The following TTN variants were observed in gnomAD, a reference collection of about 807,000 sequenced individuals.
TTN encodes the protein connectin.
A neutral mutation model predicts 3,223.0 loss-of-function variants in TTN; 1,525 were observed. The observed-to-expected ratio is 0.47, with a 90% CI of 0.45 to 0.49. The LOEUF (loss-of-function observed/expected upper bound fraction) is 0.49. TTN is among the 20% of genes least tolerant of loss of function. The pLI is 0.00. For synonymous variants in TTN, 14,094 were observed against 15,161.0 expected, an observed-to-expected ratio of 0.93 and a Z score of 5.17; for missense variants, 40,786 against 43,424.0, an observed-to-expected ratio of 0.94 and a Z score of 5.40.
intron 103 of TTN, 51 bp downstream of exon 103, chr2:178,705,123 A>T: frequency 1.3e-6 from 2 of 1,595,112 alleles, no homozygotes; most frequent in South Asian, 1.1e-5. Context: ...AATATGTGAG[A>T]TGTTTTAAAT....
chr2:178,665,690 T>C lies in TTN; in HGVS notation c.35959+18A>G, dbSNP rs2154260767. 2 of 1,325,602 alleles carry C rather than the reference T, an allele frequency of 1.5e-6. No individual in the cohort carries two copies. Among genetic ancestry groups the C allele is most frequent in the Admixed American group, 6.7e-5 (2 of 29,850 alleles). 82.1% of individuals were successfully genotyped at this position (1,325,602 alleles called of 1,614,324 possible). A position where few individuals can be genotyped will look rare whatever the true frequency, so the allele number is the denominator to read the frequency against. ...GCACTCTAATAAATGAAGGAAGGAATGGCAGGATGAACGATACCTTTAGTG... is the reference window on the plus strand; with the variant it reads ...GCACTCTAATAAATGAAGGAAGGAACGGCAGGATGAACGATACCTTTAGTG... On this transcript the variant is annotated intron_variant, in intron 164 of 362. Transcript: ENST00000589042.
chr2:178,750,198 C>T, intron 47 of TTN: 2 of 1,613,128 alleles, frequency 1.2e-6, no homozygotes, highest in Non-Finnish European at 1.7e-6. Flanking sequence ...GGATGGGCGC[C>T]TTTTGCTTGG....
chr2:178,575,019 G>T lies in TTN; in HGVS notation c.71113C>A (p.Pro23705Thr). Residue 23705 changes from proline to threonine, a missense_variant, in exon 326 of 363, where the codon CCA becomes ACA. Physicochemically the swap from Pro to Thr is conservative, Grantham distance 38. Transcript: ENST00000589042. This position sits in a 1 kb window ranked among gnomAD's most constrained non-coding sequence, Gnocchi z 4.0. Reference protein sequence around the residue: ...ECVRSDSGPYPLTARNIVGEV... With the variant: ...ECVRSDSGPYTLTARNIVGEV... ...CCTACAATGTTCCTTGCTGTTAATG[G>T]ATAGGGCCCACTATCACTTCTGACA... 2 of 1,613,402 alleles carry T rather than the reference G, an allele frequency of 1.2e-6. No individual in the cohort carries two copies. Among genetic ancestry groups the T allele is most frequent in the Non-Finnish European group, 1.7e-6 (2 of 1,179,618 alleles).
intron 6 of TTN, chr2:178,798,415 A>G (rs929584771): frequency 6.6e-6 from 1 of 152,186 alleles, no homozygotes; most frequent in East Asian, 1.9e-4. Context: ...ATCATGATAC[A>G]TGATCACCTT....
Position 178,611,000 on chromosome 2 carries a change from T to C in TTN, c.51129A>G (p.Lys17043=). The C allele has an allele frequency of 1.9e-6, 3 of 1,612,170 alleles. No individual in the cohort carries two copies. The highest frequency in any genetic ancestry group is 2.5e-6 in the Non-Finnish European group (3 of 1,178,926). ...LGSATASINV[K]VIGLPGPCKD... is the part of the protein sequence containing the mutation. ...TCTTCAAAGAATGATTACCTATGACTTTGACATTGATTGAGGCTGTTGCTG... is the reference window on the plus strand; with the variant it reads ...TCTTCAAAGAATGATTACCTATGACCTTGACATTGATTGAGGCTGTTGCTG... Residue 17043 remains lysine (K), a synonymous_variant, in exon 270 of 363, where the codon AAA becomes AAG. Transcript: ENST00000589042.
At chr2:178,631,524 A>G (rs1400062848) in intron 236 of TTN, among the ~76,000 whole-genome samples, 1 of 152,056 alleles carries the variant, frequency 6.6e-6, no homozygotes. Flanking sequence ...GAATTTTGAA[A>G]CATTTTATTA....
chr2:178,773,226 TTTTATA>T lies in TTN; in HGVS notation c.7732_7737del (p.Tyr2578_Lys2579del). The T allele has an allele frequency of 6.2e-7, 1 of 1,613,882 alleles. No individual in the cohort carries two copies. The highest frequency in any genetic ancestry group is 8.5e-7 in the Non-Finnish European group (1 of 1,179,926). ...TTATATATTTTTCCATGTGCTTCAA[TTTTATA>T]TTTAGAACTGGGCTTGATTTCCTTG... On this transcript the variant is annotated inframe_deletion, in exon 33 of 363. Coordinates refer to ENST00000589042, the MANE Select transcript of TTN (RefSeq NM_001267550.2).
Position 178,567,779 on chromosome 2 carries a change from C to A in TTN, c.78353G>T (p.Ser26118Ile), listed in dbSNP as rs779102037. 7 of 1,613,374 alleles carry A rather than the reference C, an allele frequency of 4.3e-6. No homozygotes were observed. The Admixed American group carries it at 1.0e-4, about 23-fold the overall frequency. ...QWTKPVYDGG[S>I]MITGYIVEKR... Reference sequence around the variant, plus strand: ...CTCTACAATGTAGCCTGTAATCATACTTCCACCATCATACACAGGTTTGGT... The same window carrying A: ...CTCTACAATGTAGCCTGTAATCATAATTCCACCATCATACACAGGTTTGGT... Residue 26118 changes from serine (S) to isoleucine (I), a missense_variant, in exon 326 of 363, where the codon AGT becomes ATT. Physicochemically the swap from Ser to Ile is moderately radical, Grantham distance 142. Coordinates refer to ENST00000589042, the MANE Select transcript of TTN (RefSeq NM_001267550.2).
In TTN at chr2:178,578,925, G is replaced by A. The variant is rs1404079334; in HGVS notation, c.68105C>T (p.Thr22702Ile). 6.2e-7 allele frequency: 1 copy of A among 1,613,228 alleles called. No homozygotes were observed. The highest frequency in any genetic ancestry group is 1.7e-5 in the Admixed American group (1 of 59,956). The change falls in exon 320 of 363, where the codon ACC (threonine) becomes ATC (isoleucine). Residue 22702 changes from threonine (T) to isoleucine (I), a missense_variant. Transcript: ENST00000589042. ...VTCASAVQKT[T>I]FRVTRLHEGM... ...CTCATGAAGTCTGGTTACTCTAAAG[G>A]TGGTTTTCTGGACAGCTGAGGCGCA...
chr2:178,574,611 C>T lies in TTN; in HGVS notation c.71521G>A (p.Asp23841Asn), dbSNP rs764809055. 1.2e-6 allele frequency: 2 copies of T among 1,613,240 alleles called. No individual in the cohort carries two copies. Among genetic ancestry groups the T allele is most frequent in the East Asian group, 2.2e-5 (1 of 44,762 alleles). Residue 23841 changes from aspartate to asparagine, a missense_variant, in exon 326 of 363, where the codon GAT (aspartate) becomes AAT (asparagine). Physicochemically the swap from Asp to Asn is conservative, Grantham distance 23. Transcript: ENST00000589042. Reference protein sequence around the residue: ...GTPQVTAVTKDSMTISWHEPL... With the variant: ...GTPQVTAVTKNSMTISWHEPL... The stretch of plus-strand genomic sequence containing the variant: ...TCATGCCAGCTAATTGTCATTGAAT[C>T]CTTGGTAACTGCAGTTACCTGAGGG...
Position 178,794,568 on chromosome 2 carries a change from C to G in TTN, c.1246-17G>C. On this transcript the variant is annotated splice_polypyrimidine_tract_variant and intron_variant, in intron 7 of 362. Coordinates refer to ENST00000589042, the MANE Select transcript of TTN (RefSeq NM_001267550.2). ...TTGTTTCACCTAGATTAGAAATGAC[C>G]AAGTAGATTACTTTTTTAAATGACA... The G allele has an allele frequency of 6.2e-7, 1 of 1,614,054 alleles. No homozygotes were observed. The highest frequency in any genetic ancestry group is 8.5e-7 in the Non-Finnish European group (1 of 1,179,980).
In TTN at chr2:178,604,049, C is replaced by G; in HGVS notation, c.54638G>C (p.Trp18213Ser). ...TATTGGTGCTCGGCTAACACGTGAC[C>G]AATAAGGACTTCCCTCTTCTCTTTT... ...LEKREEGSPY[W>S]SRVSRAPITK... The change falls in exon 282 of 363, where the codon TGG (tryptophan) becomes TCG (serine). Residue 18213 changes from tryptophan (W) to serine (S), a missense_variant. By Grantham distance (177) the Trp-to-Ser change is radical. Coordinates refer to ENST00000589042, the MANE Select transcript of TTN (RefSeq NM_001267550.2). 1 of 1,612,852 alleles carries G rather than the reference C, an allele frequency of 6.2e-7. No individual in the cohort carries two copies. The highest frequency in any genetic ancestry group is 8.5e-7 in the Non-Finnish European group (1 of 1,179,162).
Position 178,548,762 on chromosome 2 carries a change from G to A in TTN, c.92864C>T (p.Pro30955Leu), listed in dbSNP as rs1371353912. The A allele has an allele frequency of 6.2e-7, 1 of 1,613,510 alleles. No individual in the cohort carries two copies. Among genetic ancestry groups the A allele is most frequent in the East Asian group, 2.2e-5 (1 of 44,862 alleles). The change falls in exon 339 of 363, where the codon CCT becomes CTT. Residue 30955 changes from proline to leucine, a missense_variant. Coordinates refer to ENST00000589042, the MANE Select transcript of TTN (RefSeq NM_001267550.2). This position sits in a 1 kb window ranked among gnomAD's most constrained non-coding sequence, Gnocchi z 4.3. ...GTCTGGTTTGCTCCACACAGCTGTAGGAGTAGGTCTACCTTGGTAGGCAAT... is the reference window on the plus strand; with the variant it reads ...GTCTGGTTTGCTCCACACAGCTGTAAGAGTAGGTCTACCTTGGTAGGCAAT... ...LFIAYQGRPTPTAVWSKPDSN... is the reference protein window; with the variant it reads ...LFIAYQGRPTLTAVWSKPDSN...
intron 111 of TTN, among the ~76,000 whole-genome samples, chr2:178,699,875 C>A (rs529937254): frequency 1.7e-4 from 26 of 150,978 alleles, no homozygotes; most frequent in South Asian, 4.2e-4. Flanking sequence ...CTACAGGTGC[C>A]CACCACCACG....
In TTN at chr2:178,605,510, C is replaced by T. The variant is rs201052994; in HGVS notation, c.53785G>A (p.Glu17929Lys). Residue 17929 changes from glutamate to lysine, a missense_variant, in exon 279 of 363, where the codon GAA becomes AAA. By Grantham distance (56) the Glu-to-Lys change is moderately conservative. Transcript: ENST00000589042. The stretch of plus-strand genomic sequence containing the variant: ...ACACGGAACTCATACATTTGGTGTT[C>T]ATCAAGATTTTCAACCAGAAAAGAT... Reference protein sequence around the residue: ...TTSFLVENLDEHQMYEFRVKA... With the variant: ...TTSFLVENLDKHQMYEFRVKA... The T allele has an allele frequency of 1.1e-5, 17 of 1,612,294 alleles. No individual in the cohort carries two copies. Among genetic ancestry groups the T allele is most frequent in the Non-Finnish European group, 1.4e-5 (17 of 1,178,894 alleles).
Position 178,568,143 on chromosome 2 carries a change from G to T in TTN, c.77989C>A (p.Pro25997Thr). The T allele has an allele frequency of 6.2e-7, 1 of 1,613,484 alleles. No individual in the cohort carries two copies. The highest frequency in any genetic ancestry group is 8.5e-7 in the Non-Finnish European group (1 of 1,179,608). ...TCTTTGGAAATGGCTGTGGCAAATGGTGTACCTGGAGGGCCTGGTTCTTTG... is the reference window on the plus strand; with the variant it reads ...TCTTTGGAAATGGCTGTGGCAAATGTTGTACCTGGAGGGCCTGGTTCTTTG... ...PYKEPGPPGT[P>T]FATAISKDSM... is the part of the protein sequence containing the mutation. Residue 25997 changes from proline to threonine, a missense_variant, in exon 326 of 363, where the codon CCA becomes ACA. By Grantham distance (38) the Pro-to-Thr change is conservative (BLOSUM62 -1). Transcript: ENST00000589042.
intron 94 of TTN, 28 bp from the exon 95 acceptor site, chr2:178,712,621 A>G (rs1193568985): frequency 6.2e-7 from 1 of 1,606,850 alleles, no homozygotes; most frequent in Non-Finnish European, 8.5e-7. Context: ...AAAATATAAA[A>G]TCAAACACAT....
chr2:178,743,127 A>T (rs2082799710), intron 47 of TTN, among the ~76,000 whole-genome samples: 1 of 152,070 alleles, frequency 6.6e-6, no homozygotes, highest in South Asian at 2.1e-4. Flanking sequence ...ATGTGAATAC[A>T]GTTAAAATAC....
chr2:178,547,987 G>A lies in TTN; in HGVS notation c.93639C>T (p.Pro31213=), dbSNP rs1232963711. ...SVIIKEPQIE[P]TADLTGITNQ... ...TGGTAATTCCAGTGAGGTCAGCAGT[G>A]GGCTCGATTTGAGGCTCCTTAATGA... Residue 31213 remains proline (P), a synonymous_variant, in exon 339 of 363, where the codon CCC becomes CCT. Transcript: ENST00000589042. 6.2e-7 allele frequency: 1 copy of A among 1,613,634 alleles called. No individual in the cohort carries two copies. The highest frequency in any genetic ancestry group is 8.5e-7 in the Non-Finnish European group (1 of 1,179,692).
Sources: gnomAD v4.1 joint callset for allele counts (sites outside exome capture counted in the v4.1 genomes callset) on GRCh38, gnomAD v4.1.1 for gene constraint, Gnocchi (gnomAD v3.1) non-coding constraint, MANE v1.5 for transcripts, NCBI Gene and HGNC (gene_info 2026-07-23, HGNC 2026-07-21) for gene names.